CFAP70: variants seen among roughly 807,000 people sequenced by gnomAD.
The protein encoded by CFAP70 is cilia and flagella associated protein 70, also known as cilia- and flagella-associated protein 70.
CFAP70 carries 81 observed loss-of-function variants against 137.6 expected under a neutral mutation model. The ratio of observed to expected loss-of-function variants is 0.59; its 90% confidence interval spans 0.49 to 0.71. The LOEUF is 0.71. Ranked by LOEUF, CFAP70 falls within the 30% of genes least tolerant of loss-of-function variation. The pLI is 0.00. For missense variants in CFAP70, 976 were observed against 1,226.7 expected (o/e 0.80, Z 3.05); for synonymous variants, 382 against 423.6 (o/e 0.90, Z 1.20).
chr10:73,330,887 G>A (rs1425010887), intron 8 of CFAP70, among the ~76,000 whole-genome samples: 1 of 152,170 alleles, frequency 6.6e-6, no homozygotes, highest in Non-Finnish European at 1.5e-5. Flanking sequence ...TATTGTGAAG[G>A]GCCAAAGAGA....
intron 24 of CFAP70, among the ~76,000 whole-genome samples, chr10:73,271,881 G>A (rs938420489): frequency 6.6e-6 from 1 of 152,030 alleles, no homozygotes; most frequent in African/African-American, 2.4e-5. Flanking sequence ...TAATGTTTTT[G>A]TAGAGATGGG....
chr10:73,278,786 C>T (rs2046996482), intron 19 of CFAP70, among the ~76,000 whole-genome samples: 1 of 151,720 alleles, frequency 6.6e-6, no homozygotes, highest in Non-Finnish European at 1.5e-5. Context: ...CCAGTACCAT[C>T]CTGGCTAACG....
At chr10:73,277,077 G>A in intron 21 of CFAP70, 163 bp downstream of exon 22, 1 of 791,438 alleles carries the variant, frequency 1.3e-6, no homozygotes, top group Non-Finnish European at 1.9e-6. Flanking sequence ...TGCAAAGAGT[G>A]GTTCATGTTT....
At position 73,338,143 on chromosome 10, in the gene CFAP70, AT is replaced by A. The variant is rs550084202; in HGVS notation, c.583-2620del. Among the ~76,000 whole-genome samples, 633 of 129,676 alleles carry A rather than the reference AT, an allele frequency of 4.9e-3. 1 individual carries two copies. The highest frequency in any genetic ancestry group is 7.8e-3 in the Middle Eastern group (2 of 258). 85.1% of individuals were successfully genotyped at this position (129,676 alleles called of 152,430 possible). A position where few individuals can be genotyped will look rare whatever the true frequency, so the allele number is the denominator to read the frequency against. Reference sequence around the variant, plus strand: ...CATGGGTCCACTTATATATATGCGGATTTTTTTTTTTTTTTTTTTGAGACAG... The same window carrying A: ...CATGGGTCCACTTATATATATGCGGATTTTTTTTTTTTTTTTTTGAGACAG... On this transcript the variant is annotated intron_variant, in intron 6 of 26. Transcript: ENST00000310715.
intron 25 of CFAP70, among the ~76,000 whole-genome samples, chr10:73,256,902 CAAAAAAA>C (rs55805225): frequency 0.25 from 14,298 of 58,254 alleles, 943 homozygotes; most frequent in East Asian, 0.45. Flanking sequence ...GACTCCATCT[CAAAAAAA>C]AAAAAAAAAA....
At chr10:73,356,207 CTT>C (rs565816984) in intron 1 of CFAP70, among the ~76,000 whole-genome samples, 1 of 142,052 alleles carries the variant, frequency 7.0e-6, no homozygotes, top group Non-Finnish European at 1.5e-5. Context: ...TCCTTCCTTC[CTT>C]TTTTTTTTTT....
intron 9 of CFAP70, among the ~76,000 whole-genome samples, chr10:73,316,923 C>T (rs1394424339): frequency 6.6e-6 from 1 of 152,162 alleles, no homozygotes; most frequent in Non-Finnish European, 1.5e-5. Context: ...ATGCCATTTC[C>T]TTTCAAGCTG....
upstream of CFAP70, among the ~76,000 whole-genome samples, chr10:73,362,221 T>G (rs565342815): frequency 5.3e-5 from 8 of 152,232 alleles, no homozygotes; most frequent in African/African-American, 1.9e-4. Context: ...AAGAATGAAG[T>G]TGGACCCTTA....
At chr10:73,351,068 TG>T in intron 3 of CFAP70, among the ~76,000 whole-genome samples, 1 of 49,282 alleles carries the variant, frequency 2.0e-5, no homozygotes, top group African/African-American at 1.4e-4. Flanking sequence ...TGTGTGTGTG[TG>T]TGTATATATA....
intron 12 of CFAP70, among the ~76,000 whole-genome samples, chr10:73,303,152 C>T (rs2049095161): frequency 6.6e-6 from 1 of 152,164 alleles, no homozygotes; most frequent in Non-Finnish European, 1.5e-5. Flanking sequence ...CTGCCTCAGC[C>T]TCCCAAAGTG....
intron 12 of CFAP70, 60 bp from the exon 14 acceptor site, chr10:73,299,725 T>C (rs2048807406): frequency 5.9e-6 from 8 of 1,350,288 alleles, no homozygotes; most frequent in Non-Finnish European, 8.1e-6. Context: ...TACAGATGTA[T>C]ATTTTCTTTT....
At chr10:73,331,020 A>G (rs999196967) in intron 8 of CFAP70, among the ~76,000 whole-genome samples, 157 bp downstream of exon 9, 1 of 152,220 alleles carries the variant, frequency 6.6e-6, no homozygotes, top group Non-Finnish European at 1.5e-5. Context: ...TTTCAGTGCT[A>G]AAACAAGTGA....
chr10:73,319,390 T>A (rs961272882), intron 9 of CFAP70, among the ~76,000 whole-genome samples: 1 of 152,178 alleles, frequency 6.6e-6, no homozygotes, highest in African/African-American at 2.4e-5. Flanking sequence ...CGACCCCAAA[T>A]TTTTAAACAA....
intron 23 of CFAP70, 128 bp from the exon 25 acceptor site, chr10:73,273,145 C>A: frequency 1.4e-6 from 1 of 739,064 alleles, no homozygotes; most frequent in Non-Finnish European, 2.3e-6. Context: ...TTTAATTGTA[C>A]TTTGACGTCT....
intron 7 of CFAP70, among the ~76,000 whole-genome samples, chr10:73,334,649 G>A (rs910979375): frequency 4.0e-5 from 6 of 150,506 alleles, no homozygotes; most frequent in African/African-American, 1.2e-4. Flanking sequence ...GCGTGATCTC[G>A]GCTCACTACA....
At chr10:73,325,936 A>G (rs549599788) in intron 8 of CFAP70, among the ~76,000 whole-genome samples, 128 of 152,294 alleles carry the variant, frequency 8.4e-4, no homozygotes, top group Non-Finnish European at 1.5e-3. Flanking sequence ...AACGAGACAG[A>G]AAGTTAACAA....
At chr10:73,291,916 C>A in exon 17 of CFAP70, 5 of 1,614,202 alleles carry the variant, frequency 3.1e-6, no homozygotes, top group Non-Finnish European at 3.4e-6. Context: ...AAAGGGCTTT[C>A]TGAAAACACT....
intron 11 of CFAP70, 30 bp from the exon 13 acceptor site, chr10:73,310,279 C>T: frequency 6.7e-7 from 1 of 1,503,592 alleles, no homozygotes; most frequent in Non-Finnish European, 9.1e-7. Flanking sequence ...TTATTATTTC[C>T]AGAAAAAAAT....
intron 25 of CFAP70, among the ~76,000 whole-genome samples, chr10:73,257,396 A>G (rs993861872): frequency 6.6e-6 from 1 of 152,194 alleles, no homozygotes; most frequent in African/African-American, 2.4e-5. Flanking sequence ...TCTTTGCATG[A>G]AGCACTCCTC....
Sources: allele counts gnomAD v4.1 joint callset (sites outside exome capture counted in the v4.1 genomes callset), GRCh38; gene constraint gnomAD v4.1.1; transcripts MANE v1.5; gene names NCBI Gene and HGNC (gene_info 2026-07-23, HGNC 2026-07-21).